The following ARHGEF9 variants were observed in gnomAD, a reference collection of about 807,000 sequenced individuals.
The protein encoded by ARHGEF9 is Cdc42 guanine nucleotide exchange factor 9.
ARHGEF9 carries 2 observed loss-of-function variants against 41.3 expected under a neutral mutation model. The ratio of observed to expected loss-of-function variants is 0.05; its 90% CI spans 0.02 to 0.15. The LOEUF (loss-of-function observed/expected upper bound fraction) is 0.15. Among genes scored for constraint, ARHGEF9 ranks in the 10% least tolerant of loss-of-function variants. The pLI, the probability that ARHGEF9 is intolerant of heterozygous loss-of-function variation, is 1.00. For missense variants in ARHGEF9, 225 were observed against 424.7 expected (o/e 0.53, Z 4.13); for synonymous variants, 160 against 154.4 (o/e 1.04, Z -0.27).
chrX:63,717,069 C>T (rs1556410622), intron 2 of ARHGEF9, among the ~76,000 whole-genome samples: 2 of 112,475 alleles, frequency 1.8e-5, no homozygotes. Flanking sequence ...ACTGTACTAC[C>T]TTAATAAGCT....
intron 1 of ARHGEF9, among the ~76,000 whole-genome samples, chrX:63,730,071 C>T (rs1421101902): frequency 2.7e-5 from 3 of 111,493 alleles, no homozygotes; most frequent in African/African-American, 9.8e-5. Flanking sequence ...AGATCTAAGG[C>T]TGGTCTCTGT....
intron 9 of ARHGEF9, 31 bp downstream of exon 9, chrX:63,643,949 C>A (rs782301922): frequency 3.9e-5 from 46 of 1,191,022 alleles, no homozygotes; most frequent in Non-Finnish European, 5.1e-5. Flanking sequence ...ATTCCATAGT[C>A]TTTCACAGAG....
chrX:63,760,752 GGTGCTA>G (rs1328580762), intron 1 of ARHGEF9, among the ~76,000 whole-genome samples: 1 of 111,490 alleles, frequency 9.0e-6, no homozygotes, highest in Non-Finnish European at 1.9e-5. Context: ...GGGCCCACAT[GGTGCTA>G]GGCCTTTTAA....
chrX:63,685,069 A>T (rs1285995126), intron 4 of ARHGEF9, among the ~76,000 whole-genome samples: 2 of 110,997 alleles, frequency 1.8e-5, no homozygotes, highest in Non-Finnish European at 3.8e-5. Context: ...TGGGGACTAG[A>T]GTCAACATTA....
At chrX:63,774,981 A>C (rs182061852) in intron 1 of ARHGEF9, among the ~76,000 whole-genome samples, 30 of 112,139 alleles carry the variant, frequency 2.7e-4, no homozygotes, top group Non-Finnish European at 3.8e-4. Context: ...CACACACACA[A>C]AAAAAATACA....
At chrX:63,659,502 A>G (rs2049081961) in intron 7 of ARHGEF9, among the ~76,000 whole-genome samples, 1 of 111,823 alleles carries the variant, frequency 8.9e-6, no homozygotes, top group South Asian at 3.8e-4. Flanking sequence ...ACATTGCAGG[A>G]TATTCTCTAC....
intron 1 of ARHGEF9, among the ~76,000 whole-genome samples, chrX:63,731,490 T>G (rs2054279301): frequency 9.1e-6 from 1 of 109,715 alleles, no homozygotes; most frequent in Non-Finnish European, 1.9e-5. Flanking sequence ...AGATTGGCTA[T>G]TGGAAGAAAA....
chrX:63,649,639 A>G (rs1556324479), intron 8 of ARHGEF9, among the ~76,000 whole-genome samples: 2 of 111,842 alleles, frequency 1.8e-5, no homozygotes, highest in Non-Finnish European at 3.8e-5. Flanking sequence ...CAAAAAATCA[A>G]TGAATCCAGG....
At chrX:63,737,404 G>C (rs782700735) in intron 1 of ARHGEF9, among the ~76,000 whole-genome samples, 1 of 112,114 alleles carries the variant, frequency 8.9e-6, no homozygotes, top group Non-Finnish European at 1.9e-5. Flanking sequence ...CTGCTGCTTT[G>C]CTTCTAAAAG....
At chrX:63,682,318 T>A (rs1478060164) in intron 4 of ARHGEF9, among the ~76,000 whole-genome samples, 2 of 109,936 alleles carry the variant, frequency 1.8e-5, no homozygotes, top group African/African-American at 3.3e-5. Flanking sequence ...ATCGAGACCA[T>A]CCTGGCTAAC....
intron 9 of ARHGEF9, among the ~76,000 whole-genome samples, chrX:63,643,536 G>A (rs1602175205): frequency 9.1e-6 from 1 of 109,796 alleles, no homozygotes; most frequent in Non-Finnish European, 1.9e-5. Flanking sequence ...TAGTAGAGGC[G>A]GGGTTTCACC....
chrX:63,645,329 T>C (rs782445266), intron 8 of ARHGEF9, among the ~76,000 whole-genome samples: 1 of 110,455 alleles, frequency 9.1e-6, no homozygotes, highest in East Asian at 2.9e-4. Flanking sequence ...CTGCACCCAT[T>C]AACTCGTCAT....
chrX:63,706,682 T>C (rs1256681675), intron 2 of ARHGEF9, among the ~76,000 whole-genome samples: 43 of 111,619 alleles, frequency 3.9e-4, no homozygotes, highest in Non-Finnish European at 7.3e-4. Context: ...AGGGACTAAA[T>C]TCATTCATGC....
At chrX:63,669,263 G>A (rs781896382) in intron 6 of ARHGEF9, among the ~76,000 whole-genome samples, 33 of 110,897 alleles carry the variant, frequency 3.0e-4, no homozygotes, top group Middle Eastern at 9.3e-3. Flanking sequence ...ATCCCCAACC[G>A]TGGGCCTTTG....
Position 63,635,176 on chromosome X carries a change from CA to C in ARHGEF9, c.*2851del. On this transcript the variant is annotated 3_prime_UTR_variant, in exon 10 of 10. Coordinates refer to ENST00000671741, the MANE Select transcript of ARHGEF9 (RefSeq NM_001353921.2). The stretch of plus-strand genomic sequence containing the variant: ...TGTTGCCCATCCATCCACCCCAGCC[CA>C]CCCCATCCCCAAAGCACTAAAAGAT... 3 of 340,706 alleles carry C rather than the reference CA, an allele frequency of 8.8e-6. No homozygotes were observed. Among genetic ancestry groups the C allele is most frequent in the Non-Finnish European group, 1.6e-5 (3 of 189,728 alleles). The allele number at this position is 340,706 out of a possible 1,213,427, so 28.1% of individuals were successfully genotyped here.
chrX:63,659,688 G>A (rs1312436841), intron 7 of ARHGEF9, among the ~76,000 whole-genome samples: 3 of 111,275 alleles, frequency 2.7e-5, no homozygotes, highest in Non-Finnish European at 5.7e-5. Context: ...GATTTATTTC[G>A]CTCACTACTA....
chrX:63,644,227 T>C, intron 8 of ARHGEF9, 179 bp from the exon 9 acceptor site: 1 of 379,057 alleles, frequency 2.6e-6, no homozygotes, highest in African/African-American at 2.5e-5. Flanking sequence ...ACTAAGGAAA[T>C]TTGTCACAAA....
At chrX:63,725,866 C>T (rs1556416639) in intron 1 of ARHGEF9, 1 of 112,545 alleles carries the variant, frequency 8.9e-6, no homozygotes, top group African/African-American at 3.2e-5. Flanking sequence ...TTCCATCAGC[C>T]TACTTTGCTC....
intron 1 of ARHGEF9, among the ~76,000 whole-genome samples, chrX:63,772,409 T>C (rs73225269): frequency 0.13 from 14,177 of 111,529 alleles, 959 homozygotes; most frequent in Non-Finnish European, 0.19. Context: ...AAGCAGACCC[T>C]ATCATTCCAC....
Sources: allele counts gnomAD v4.1 joint callset (sites outside exome capture counted in the v4.1 genomes callset), GRCh38; gene constraint gnomAD v4.1.1; transcripts MANE v1.5; gene names NCBI Gene and HGNC (gene_info 2026-07-23, HGNC 2026-07-21).